The following NCK2 variants were observed in gnomAD, a reference collection of about 807,000 sequenced individuals.
NCK2 encodes the protein cytoplasmic protein NCK2.
NCK2 carries 16 observed loss-of-function variants against 33.9 expected under a neutral mutation model. The observed-to-expected ratio is 0.47, with a 90% CI of 0.32 to 0.72. The LOEUF is 0.72. Ranked by LOEUF, NCK2 falls within the 30% of genes least tolerant of loss-of-function variation. The pLI is 0.03. For missense variants in NCK2, 418 were observed against 537.3 expected (o/e 0.78, Z 2.19); for synonymous variants, 273 against 239.9 (o/e 1.14, Z -1.27).
intron 3 of NCK2, among the ~76,000 whole-genome samples, chr2:105,856,441 T>C (rs540341836): frequency 6.6e-6 from 1 of 152,214 alleles, no homozygotes; most frequent in Non-Finnish European, 1.5e-5. Context: ...TCACATTTAC[T>C]TGGGGTTTTA....
At chr2:105,840,097 G>A (rs1676583451) in intron 2 of NCK2, among the ~76,000 whole-genome samples, 1 of 152,158 alleles carries the variant, frequency 6.6e-6, no homozygotes, top group African/African-American at 2.4e-5. Flanking sequence ...ACAGCTTCTG[G>A]TAGAGTATCC....
chr2:105,893,014 A>G lies in NCK2; in HGVS notation c.981A>G (p.Ser327=). The G allele has an allele frequency of 6.2e-7, 1 of 1,613,362 alleles. No individual in the cohort carries two copies. The highest frequency in any genetic ancestry group is 2.2e-5 in the East Asian group (1 of 44,840). ...PSDFSVSLKA[S]GKNKHFKVQL... is the part of the protein sequence containing the mutation. ...ACTTCTCCGTGTCCCTTAAAGCGTC[A>G]GGGAAGAACAAACACTTCAAGGTGC... Residue 327 remains serine, a synonymous_variant, in exon 5 of 5, where the codon TCA becomes TCG. Transcript: ENST00000233154.
intron 2 of NCK2, among the ~76,000 whole-genome samples, chr2:105,846,361 A>G (rs542409268): frequency 4.1e-4 from 62 of 152,264 alleles, no homozygotes; most frequent in East Asian, 9.7e-4. Context: ...GAGTTGCTCA[A>G]TGATGAACTC....
intron 2 of NCK2, among the ~76,000 whole-genome samples, chr2:105,830,688 TG>T: frequency 6.8e-6 from 1 of 146,448 alleles, no homozygotes. Flanking sequence ...TGTGTGTGTG[TG>T]TGTGTGTGTG....
chr2:105,843,122 A>T (rs1676713345), intron 2 of NCK2, among the ~76,000 whole-genome samples: 1 of 152,172 alleles, frequency 6.6e-6, no homozygotes, highest in African/African-American at 2.4e-5. Context: ...AGGTTTTGGA[A>T]TATCTACATA....
At chr2:105,837,089 T>A (rs1463781064) in intron 2 of NCK2, among the ~76,000 whole-genome samples, 1 of 152,184 alleles carries the variant, frequency 6.6e-6, no homozygotes, top group East Asian at 1.9e-4. Flanking sequence ...TTTTCTTTCC[T>A]CTGTGCTGCC....
At chr2:105,880,936 ATTTTTTTTTT>A (rs59005322) in intron 3 of NCK2, among the ~76,000 whole-genome samples, 10 of 103,558 alleles carry the variant, frequency 9.7e-5, no homozygotes, top group African/African-American at 2.1e-4. Flanking sequence ...CAGGTGGCTA[ATTTTTTTTTT>A]TTTTTTTTTT....
chr2:105,856,113 C>T (rs769652105), intron 3 of NCK2, among the ~76,000 whole-genome samples: 4 of 152,176 alleles, frequency 2.6e-5, no homozygotes, highest in Non-Finnish European at 2.9e-5. Flanking sequence ...GGATTACAGG[C>T]GTGAGCCACC....
chr2:105,856,912 A>G lies in NCK2; in HGVS notation c.226+1623A>G, dbSNP rs530167689. On this transcript the variant is annotated intron_variant, in intron 3 of 4. Transcript: ENST00000233154. Reference sequence around the variant, plus strand: ...TTACCAAAAAAAGAGGGTAGCATGAATAGAGAAAAACTTGAAGGTTGTCCT... The same window carrying G: ...TTACCAAAAAAAGAGGGTAGCATGAGTAGAGAAAAACTTGAAGGTTGTCCT... The G allele has an allele frequency of 1.5e-4, 23 of 152,360 alleles. No individual in the cohort carries two copies. In the South Asian group the frequency reaches 4.6e-3, roughly 30 times the overall value. 9.4% of individuals were successfully genotyped at this position (152,360 alleles called of 1,614,324 possible).
chr2:105,816,268 C>T (rs1414669279), intron 1 of NCK2, among the ~76,000 whole-genome samples, 162 bp from the exon 2 acceptor site: 2 of 152,082 alleles, frequency 1.3e-5, no homozygotes, highest in Non-Finnish European at 2.9e-5. Context: ...ATCGTACAAC[C>T]ACACTCCAGC....
intron 1 of NCK2, among the ~76,000 whole-genome samples, chr2:105,753,960 G>A (rs1689531550): frequency 6.6e-6 from 1 of 152,212 alleles, no homozygotes; most frequent in Non-Finnish European, 1.5e-5. Flanking sequence ...GACACTGGCT[G>A]CTCTTCCAAG....
chr2:105,875,557 A>T (rs1361813478), intron 3 of NCK2, among the ~76,000 whole-genome samples: 1 of 152,162 alleles, frequency 6.6e-6, no homozygotes, highest in Non-Finnish European at 1.5e-5. Flanking sequence ...TGATTATGTC[A>T]TGAGACTGAT....
intron 2 of NCK2, chr2:105,846,788 A>ATC (rs1404841579): frequency 1.3e-5 from 2 of 152,184 alleles, no homozygotes; most frequent in Non-Finnish European, 2.9e-5. Flanking sequence ...TAAAACTAGA[A>ATC]TTACCATATG....
At chr2:105,786,484 T>A (rs1690686833) in intron 1 of NCK2, among the ~76,000 whole-genome samples, 3 of 152,202 alleles carry the variant, frequency 2.0e-5, no homozygotes, top group Admixed American at 2.0e-4. Context: ...GCTGCTGGGA[T>A]CTTGTGTCTG....
chr2:105,878,775 C>T (rs2104651641), intron 3 of NCK2, among the ~76,000 whole-genome samples: 1 of 152,278 alleles, frequency 6.6e-6, no homozygotes, highest in South Asian at 2.1e-4. Flanking sequence ...CTGAGTTGCG[C>T]CAAAGACTAT....
At chr2:105,865,782 T>A (rs1427801303) in intron 3 of NCK2, among the ~76,000 whole-genome samples, 1 of 152,198 alleles carries the variant, frequency 6.6e-6, no homozygotes, top group Non-Finnish European at 1.5e-5. Flanking sequence ...AGCATCTTTG[T>A]CATCAGTTTC....
chr2:105,881,285 G>T, intron 3 of NCK2, 43 bp from the exon 4 acceptor site: 1 of 1,539,406 alleles, frequency 6.5e-7, no homozygotes, highest in East Asian at 2.3e-5. Context: ...GTGTGGTGGT[G>T]CCCAAGTGCC....
At position 105,814,043 on chromosome 2, in the gene NCK2, A is replaced by G. The variant is rs1186726694; in HGVS notation, c.-200-2387A>G. Among the ~76,000 whole-genome samples, 4 of 152,356 alleles carry G rather than the reference A, an allele frequency of 2.6e-5. No homozygotes were observed. The East Asian group carries it at 7.7e-4, about 29-fold the overall frequency. The stretch of plus-strand genomic sequence containing the variant: ...CCTTCTACAGTCCAAGTGACCGTAT[A>G]GGTGTTTATCTTTCAGGCTGATACT... On this transcript the variant is annotated intron_variant, in intron 1 of 4. Coordinates refer to ENST00000233154, the MANE Select transcript of NCK2 (RefSeq NM_003581.5).
At position 105,881,816 on chromosome 2, in the gene NCK2, A is replaced by C; in HGVS notation, c.715A>C (p.Asn239His). 6.2e-7 allele frequency: 1 copy of C among 1,610,148 alleles called. No homozygotes were observed. Among genetic ancestry groups the C allele is most frequent in the Non-Finnish European group, 8.5e-7 (1 of 1,177,640 alleles). ...CGACCCCGAGTGGTGGAAATGCAAA[A>C]ATGCCCGGGGCCAGGTGGGCCTCGT... The part of the protein sequence containing the change: ...ENDPEWWKCK[N>H]ARGQVGLVPK... The change falls in exon 4 of 5, where the codon AAT becomes CAT. Residue 239 changes from asparagine to histidine, a missense_variant. Coordinates refer to ENST00000233154, the MANE Select transcript of NCK2 (RefSeq NM_003581.5).
Sources: gnomAD v4.1 joint callset for allele counts (sites outside exome capture counted in the v4.1 genomes callset) on GRCh38, gnomAD v4.1.1 for gene constraint, MANE v1.5 for transcripts, NCBI Gene and HGNC (gene_info 2026-07-23, HGNC 2026-07-21) for gene names.